CUZD1: variants seen among roughly 807,000 people sequenced by gnomAD.
CUZD1 encodes the protein CUB and zona pellucida like domains 1, also known as CUB and zona pellucida-like domain-containing protein 1.
CUZD1 carries 42 observed loss-of-function variants against 53.1 expected under a neutral mutation model. That is an observed-to-expected ratio of 0.79 (90% CI 0.62 to 1.02). The LOEUF (loss-of-function observed/expected upper bound fraction) is 1.02. Ranked by LOEUF, CUZD1 falls within the 50% of genes least tolerant of loss-of-function variation. The pLI, the probability that CUZD1 is intolerant of heterozygous loss-of-function variation, is 0.00. For missense variants in CUZD1, 670 were observed against 715.7 expected (o/e 0.94, Z 0.73); for synonymous variants, 238 against 257.2 (o/e 0.93, Z 0.71).
At chr10:122,834,000 TAA>T (rs1847203545) in intron 7 of CUZD1, 60 bp from the exon 8 acceptor site, 1 of 1,500,064 alleles carries the variant, frequency 6.7e-7, no homozygotes, top group Non-Finnish European at 9.0e-7. Flanking sequence ...TTTTCCATAC[TAA>T]AAAGTTTTCT....
intron 3 of CUZD1, chr10:122,838,014 C>T (rs1451185068): frequency 1.9e-5 from 3 of 154,554 alleles, no homozygotes; most frequent in South Asian, 2.0e-4. Context: ...CCCACCTCCA[C>T]CTACCCTCGT....
chr10:122,834,381 T>A (rs902064482), intron 7 of CUZD1, among the ~76,000 whole-genome samples: 1 of 152,196 alleles, frequency 6.6e-6, no homozygotes, highest in African/African-American at 2.4e-5. Context: ...ATCTTCTAGA[T>A]TTTTGTTGAA....
chr10:122,845,076 CTTT>C (rs34468840), intron 1 of CUZD1, among the ~76,000 whole-genome samples: 25 of 141,950 alleles, frequency 1.8e-4, no homozygotes, highest in Non-Finnish European at 1.5e-4. Context: ...AGATCAGAGT[CTTT>C]TTTTTTTTTT....
At chr10:122,841,976 T>A (rs1847351696) in intron 1 of CUZD1, among the ~76,000 whole-genome samples, 1 of 152,186 alleles carries the variant, frequency 6.6e-6, no homozygotes, top group Non-Finnish European at 1.5e-5. Context: ...CTTTTTGTTT[T>A]CATGATTGGG....
chr10:122,837,889 G>C (rs992241177), intron 3 of CUZD1: 2 of 186,000 alleles, frequency 1.1e-5, no homozygotes, highest in African/African-American at 4.7e-5. Flanking sequence ...ACTCTCACCA[G>C]CTCAGCTTTC....
Position 122,835,011 on chromosome 10 carries a change from G to C in CUZD1, c.1077C>G (p.Leu359=). ...CCATTTCACACTTCACAATAATCTG[G>C]AGTTGTTTCTGACGGGTGATCACTT... ...TSEVITRQKQ[L]QIIVKCEMGH... is the part of the protein sequence containing the mutation. The change falls in exon 7 of 9, where the codon CTC becomes CTG. Residue 359 remains leucine (L), a synonymous_variant. Coordinates refer to ENST00000392790, the MANE Select transcript of CUZD1 (RefSeq NM_022034.6). 1 of 1,613,480 alleles carries C rather than the reference G, an allele frequency of 6.2e-7. No homozygotes were observed. The highest frequency in any genetic ancestry group is 8.5e-7 in the Non-Finnish European group (1 of 1,179,612).
chr10:122,840,029 T>C (rs1049912927), intron 2 of CUZD1, among the ~76,000 whole-genome samples: 1 of 152,202 alleles, frequency 6.6e-6, no homozygotes, highest in Admixed American at 6.5e-5. Context: ...GCCTGGCACA[T>C]AGGTGTTCAA....
At chr10:122,832,548 T>C in intron 8 of CUZD1, 98 bp from the exon 9 acceptor site, 1 of 955,916 alleles carries the variant, frequency 1.0e-6, no homozygotes, top group Non-Finnish European at 1.5e-6. Context: ...CTATGAATCT[T>C]ATATATGAAT....
In CUZD1 at chr10:122,835,024, C is replaced by CG. The variant is rs767885821; in HGVS notation, c.1063dup (p.Arg355ProfsTer12). 5 of 1,612,346 alleles carry CG rather than the reference C, an allele frequency of 3.1e-6. No individual in the cohort carries two copies. In the South Asian group the frequency reaches 3.3e-5, roughly 11 times the overall value. ...CACAATAATCTGGAGTTGTTTCTGA[C>CG]GGGTGATCACTTCAGAAGTTGAGGA... On this transcript the variant is annotated frameshift_variant, in exon 7 of 9. Coordinates refer to ENST00000392790, the MANE Select transcript of CUZD1 (RefSeq NM_022034.6). LOFTEE classifies it high-confidence loss of function.
intron 3 of CUZD1, 120 bp from the exon 4 acceptor site, chr10:122,837,674 C>A: frequency 1.0e-6 from 1 of 960,202 alleles, no homozygotes. Flanking sequence ...CTATCTTTCC[C>A]ATGGGTCACA....
At chr10:122,843,009 A>T (rs1021272672) in intron 1 of CUZD1, among the ~76,000 whole-genome samples, 1 of 152,240 alleles carries the variant, frequency 6.6e-6, no homozygotes, top group African/African-American at 2.4e-5. Flanking sequence ...TACACTGCTT[A>T]TGGGATTGTA....
rs1847194057 is a variant in CUZD1 at position 122,833,666 on chromosome 10, T to C, written c.1651+6A>G. ...CTTTTGGATCATGGAATAGCTTTTT[T>C]CTTACCTGAATTGCCACTTGCACTT... is the stretch of plus-strand genomic sequence containing the variant. On this transcript the variant is annotated splice_donor_region_variant and intron_variant, in intron 8 of 8. Coordinates refer to ENST00000392790, the MANE Select transcript of CUZD1 (RefSeq NM_022034.6). 1 of 1,611,498 alleles carries C rather than the reference T, an allele frequency of 6.2e-7. No individual in the cohort carries two copies. Among genetic ancestry groups the C allele is most frequent in the African/African-American group, 1.3e-5 (1 of 74,824 alleles).
In CUZD1 at chr10:122,834,929, G is replaced by C; in HGVS notation, c.1159C>G (p.Gln387Glu). The C allele has an allele frequency of 1.2e-6, 2 of 1,613,580 alleles. No individual in the cohort carries two copies. The highest frequency in any genetic ancestry group is 1.7e-6 in the Non-Finnish European group (2 of 1,179,650). ...YITEDDVIQS[Q>E]NALGKYNTSM... ...GTGTTATATTTGCCCAGTGCATTTT[G>C]ACTTTGTATTACATCATCTTCTGTT... is the stretch of plus-strand genomic sequence containing the variant. Residue 387 changes from glutamine (Q) to glutamate (E), a missense_variant, in exon 7 of 9, where the codon CAA becomes GAA. Physicochemically the swap from Gln to Glu is conservative, Grantham distance 29. Transcript: ENST00000392790.
At chr10:122,833,987 G>A in intron 7 of CUZD1, 47 bp from the exon 8 acceptor site, 1 of 1,554,726 alleles carries the variant, frequency 6.4e-7, no homozygotes, top group Non-Finnish European at 8.7e-7. Context: ...GACAAATTCA[G>A]TCTTTTCCAT....
rs1847197211 is a variant in CUZD1, at chr10:122,833,764, C to A, written c.1559G>T (p.Ser520Ile). Residue 520 changes from serine to isoleucine, a missense_variant, in exon 8 of 9, where the codon AGC becomes ATC. By Grantham distance (142) the Ser-to-Ile change is moderately radical. Transcript: ENST00000392790. ...SRCNQGCVSR[S>I]KRDISSYKWK... is the part of the protein sequence containing the mutation. Reference sequence around the variant, plus strand: ...TTTATATGAAGAAATGTCTCGTTTGCTTCTGGAGACACAACCTTGATTGCA... The same window carrying A: ...TTTATATGAAGAAATGTCTCGTTTGATTCTGGAGACACAACCTTGATTGCA... 1.2e-6 allele frequency: 2 copies of A among 1,613,846 alleles called. No homozygotes were observed. Among genetic ancestry groups the A allele is most frequent in the African/African-American group, 2.7e-5 (2 of 74,908 alleles).
At chr10:122,833,574 T>G (rs1847192332) in intron 8 of CUZD1, 98 bp downstream of exon 8, 2 of 1,284,306 alleles carry the variant, frequency 1.6e-6, no homozygotes, top group Non-Finnish European at 2.2e-6. Context: ...GCTACTATTA[T>G]AAATCTCTAA....
At position 122,837,033 on chromosome 10, in the gene CUZD1, T is replaced by C; in HGVS notation, c.615A>G (p.Lys205=). Residue 205 remains lysine, a synonymous_variant, in exon 5 of 9, where the codon AAA becomes AAG. Coordinates refer to ENST00000392790, the MANE Select transcript of CUZD1 (RefSeq NM_022034.6). ...TGGCAAGAAAATCAAATTTGCACTG[T>C]TTGTCTATTTCTAGGCTAGAGAATG... ...NFKEIFLEID[K]QCKFDFLAIY... is the part of the protein sequence containing the mutation. 5 of 1,612,312 alleles carry C rather than the reference T, an allele frequency of 3.1e-6. No individual in the cohort carries two copies. The highest frequency in any genetic ancestry group is 4.2e-6 in the Non-Finnish European group (5 of 1,178,682).
intron 5 of CUZD1, among the ~76,000 whole-genome samples, chr10:122,836,551 G>A (rs963214072): frequency 6.6e-6 from 1 of 152,150 alleles, no homozygotes; most frequent in Non-Finnish European, 1.5e-5. Flanking sequence ...GCTAGAATCT[G>A]CAAACCTGAT....
In CUZD1 at chr10:122,837,062, G is replaced by A. The variant is rs1376333175; in HGVS notation, c.600-14C>T. 1.9e-6 allele frequency: 3 copies of A among 1,555,082 alleles called. No individual in the cohort carries two copies. Among genetic ancestry groups the A allele is most frequent in the Middle Eastern group, 1.7e-4 (1 of 5,946 alleles). On this transcript the variant is annotated splice_polypyrimidine_tract_variant and intron_variant, in intron 4 of 8. Coordinates refer to ENST00000392790, the MANE Select transcript of CUZD1 (RefSeq NM_022034.6). The stretch of plus-strand genomic sequence containing the variant: ...TCTATTTCTAGGCTAGAGAATGAGG[G>A]CCTCTGGTGAAAAAGAGTTTCAAAC...
Sources: gnomAD v4.1 joint callset for allele counts (sites outside exome capture counted in the v4.1 genomes callset) on GRCh38, gnomAD v4.1.1 for gene constraint, MANE v1.5 for transcripts, NCBI Gene and HGNC (gene_info 2026-07-23, HGNC 2026-07-21) for gene names.